The following LRP1B variants were observed in gnomAD, a reference collection of about 807,000 sequenced individuals.
LRP1B encodes the protein low-density lipoprotein receptor-related protein 1B.
In LRP1B, 217 loss-of-function variants were observed where a neutral mutation model predicts 556.6. The observed-to-expected ratio is 0.39, with a 90% CI of 0.35 to 0.44. LRP1B has a LOEUF of 0.44. Among genes scored for constraint, LRP1B ranks in the 20% least tolerant of loss-of-function variants. LRP1B has a pLI of 1.00. For missense variants in LRP1B, 5,053 were observed against 5,620.8 expected, an observed-to-expected ratio of 0.90 and a Z score of 3.23; for synonymous variants, 2,047 against 1,865.8, an observed-to-expected ratio of 1.10 and a Z score of -2.50.
chr2:141,702,684 C>T (rs1260553563), intron 2 of LRP1B, among the ~76,000 whole-genome samples: 1 of 151,554 alleles, frequency 6.6e-6, no homozygotes, highest in Non-Finnish European at 1.5e-5. Flanking sequence ...CATATTTTTC[C>T]AGGAAATTGT....
chr2:140,360,835 C>T (rs1455828721), intron 72 of LRP1B, among the ~76,000 whole-genome samples: 1 of 151,518 alleles, frequency 6.6e-6, no homozygotes, highest in East Asian at 1.9e-4. Context: ...GTTTCTGTTG[C>T]TTGCTGTTAA....
At chr2:140,737,340 C>T (rs1240908454) in intron 35 of LRP1B, among the ~76,000 whole-genome samples, 4 of 152,144 alleles carry the variant, frequency 2.6e-5, no homozygotes, top group Admixed American at 1.3e-4. Flanking sequence ...TTACTGGACA[C>T]AGTGTCTGAA....
intron 1 of LRP1B, among the ~76,000 whole-genome samples, chr2:141,961,639 C>A (rs1208641478): frequency 1.3e-5 from 2 of 151,652 alleles, no homozygotes; most frequent in Admixed American, 6.6e-5. Context: ...AGAATGATAT[C>A]CTCTATTCAT....
intron 20 of LRP1B, among the ~76,000 whole-genome samples, chr2:140,936,857 A>G (rs1035867428): frequency 6.6e-6 from 1 of 152,138 alleles, no homozygotes; most frequent in Non-Finnish European, 1.5e-5. Context: ...GGTTGGTACA[A>G]AAGTAATTGT....
chr2:141,345,240 A>G (rs1006274601), intron 3 of LRP1B, among the ~76,000 whole-genome samples: 2 of 151,946 alleles, frequency 1.3e-5, no homozygotes, highest in African/African-American at 2.4e-5. Context: ...AATACTGCCC[A>G]CTTGATTTTG....
chr2:141,860,326 G>A lies in LRP1B; in HGVS notation c.83-49925C>T, dbSNP rs564232935. On this transcript the variant is annotated intron_variant, in intron 1 of 90. Transcript: ENST00000389484. Reference sequence around the variant, plus strand: ...ACTGTACTTTTATATTTTATATTTGGTTCATGCCAAATTCTTATATAATCC... The same window carrying A: ...ACTGTACTTTTATATTTTATATTTGATTCATGCCAAATTCTTATATAATCC... 2.0e-5 allele frequency among the ~76,000 whole-genome samples: 3 copies of A among 152,086 alleles called. No homozygotes were observed. In the South Asian group the frequency reaches 6.2e-4, roughly 32 times the overall value.
In LRP1B at chr2:140,249,047, A is replaced by G. The variant is rs1472404506; in HGVS notation, c.13248-1885T>C. Reference sequence around the variant, plus strand: ...TTTATACATTATCTCATTTAAAAGAAAAAAAAAACTAAATCAGGTTCATCT... The same window carrying G: ...TTTATACATTATCTCATTTAAAAGAGAAAAAAAACTAAATCAGGTTCATCT... On this transcript the variant is annotated intron_variant, in intron 86 of 90. Coordinates refer to ENST00000389484, the MANE Select transcript of LRP1B (RefSeq NM_018557.3). 1.5e-3 allele frequency among the ~76,000 whole-genome samples: 4 copies of G among 2,636 alleles called. No homozygotes were observed. In the South Asian group the frequency reaches 0.061, roughly 40 times the overall value. The allele number at this position is 2,636 out of a possible 152,430, so 1.7% of individuals were successfully genotyped here.
intron 32 of LRP1B, among the ~76,000 whole-genome samples, chr2:140,789,110 C>T (rs1226673356): frequency 2.0e-5 from 3 of 152,046 alleles, no homozygotes; most frequent in African/African-American, 7.2e-5. Flanking sequence ...ATATACTCCC[C>T]CATATCAACT....
At chr2:141,722,383 GA>G (rs1441036799) in intron 2 of LRP1B, among the ~76,000 whole-genome samples, 2 of 151,998 alleles carry the variant, frequency 1.3e-5, no homozygotes, top group South Asian at 2.1e-4. Context: ...ATCTTGGGGG[GA>G]AAAAATGGTC....
intron 3 of LRP1B, among the ~76,000 whole-genome samples, chr2:141,440,297 T>C (rs1451003768): frequency 1.3e-5 from 2 of 152,370 alleles, no homozygotes; most frequent in African/African-American, 4.8e-5. Flanking sequence ...GGACTTAGTC[T>C]GCAATACTTC....
At chr2:140,266,849 T>C (rs1682226013) in intron 86 of LRP1B, among the ~76,000 whole-genome samples, 1 of 152,062 alleles carries the variant, frequency 6.6e-6, no homozygotes, top group Non-Finnish European at 1.5e-5. Context: ...AATTAGCAAA[T>C]GATATTTTAA....
At chr2:141,558,357 A>T (rs181372009) in intron 2 of LRP1B, among the ~76,000 whole-genome samples, 3 of 151,500 alleles carry the variant, frequency 2.0e-5, no homozygotes, top group East Asian at 3.9e-4. Context: ...AGAGGTAGAT[A>T]TTTTTTTTCC....
In LRP1B at chr2:140,495,582, C is replaced by T. The variant is rs761012769; in HGVS notation, c.9017G>A (p.Gly3006Asp). 8 of 1,584,946 alleles carry T rather than the reference C, an allele frequency of 5.0e-6. No individual in the cohort carries two copies. The African/African-American group carries it at 5.4e-5, about 11-fold the overall frequency. Reference sequence around the variant, plus strand: ...TTCGATACCTGAGAGCGATTTGCAGCCATTTGGGTTATCAGGTTGTATTTC... The same window carrying T: ...TTCGATACCTGAGAGCGATTTGCAGTCATTTGGGTTATCAGGTTGTATTTC... ...GYEIQPDNPN[G>D]CKSLSDEEPF... The change falls in exon 56 of 91, where the codon GGC becomes GAC. Residue 3006 changes from glycine (G) to aspartate (D), a missense_variant. Physicochemically the swap from Gly to Asp is moderately conservative, Grantham distance 94. Around this residue, in one of 5 missense-constraint regions of LRP1B, gnomAD observed 3,619 missense variants for 3,931.9 expected, o/e 0.92. Coordinates refer to ENST00000389484, the MANE Select transcript of LRP1B (RefSeq NM_018557.3).
chr2:141,699,330 T>C (rs1445456356), intron 2 of LRP1B, among the ~76,000 whole-genome samples: 1 of 151,684 alleles, frequency 6.6e-6, no homozygotes, highest in African/African-American at 2.4e-5. Flanking sequence ...ACAAACTATT[T>C]ATTTAGCATT....
chr2:140,677,512 T>TTTGAA (rs1406380915), intron 41 of LRP1B, among the ~76,000 whole-genome samples: 1 of 151,978 alleles, frequency 6.6e-6, no homozygotes, highest in Non-Finnish European at 1.5e-5. Context: ...AAGGTTTAGA[T>TTTGAA]TTGAAAGGAC....
At chr2:140,936,403 T>C (rs928501836) in intron 20 of LRP1B, among the ~76,000 whole-genome samples, 3 of 133,774 alleles carry the variant, frequency 2.2e-5, no homozygotes, top group Non-Finnish European at 4.9e-5. Flanking sequence ...ATAAACAAAA[T>C]CCTGTCATCC....
At chr2:142,066,615 C>T (rs1162676567) in intron 1 of LRP1B, among the ~76,000 whole-genome samples, 1 of 151,464 alleles carries the variant, frequency 6.6e-6, no homozygotes. Flanking sequence ...TATGTTTTCC[C>T]TACCACACTC....
chr2:140,484,169 A>G (rs149136443), intron 59 of LRP1B, among the ~76,000 whole-genome samples: 6,279 of 152,272 alleles, frequency 0.041, 167 homozygotes, highest in Non-Finnish European at 0.047. Flanking sequence ...AAATGATTAC[A>G]TAATTATATA....
intron 84 of LRP1B, among the ~76,000 whole-genome samples, chr2:140,291,167 A>G (rs1381238524): frequency 6.6e-6 from 1 of 150,974 alleles, no homozygotes; most frequent in Admixed American, 6.6e-5. Context: ...ATAAATTTCC[A>G]AAGGCTTTCC....
Sources: allele counts gnomAD v4.1 joint callset (sites outside exome capture counted in the v4.1 genomes callset), GRCh38; gene constraint gnomAD v4.1.1; regional missense constraint gnomAD v4.1.1; transcripts MANE v1.5; gene names NCBI Gene and HGNC (gene_info 2026-07-23, HGNC 2026-07-21).